SENP7: variants seen among roughly 807,000 people sequenced by gnomAD.
SENP7 encodes the protein SUMO specific peptidase 7.
Under a neutral mutation model 141.2 loss-of-function variants are expected in SENP7, and 64 were observed. That is an observed-to-expected ratio of 0.45 (90% confidence interval 0.37 to 0.56). SENP7 has a LOEUF of 0.56. Ranked by LOEUF, SENP7 falls within the 20% of genes least tolerant of loss-of-function variation. The pLI is 0.00. For synonymous variants in SENP7, 382 were observed against 426.4 expected (o/e 0.90, Z 1.28); for missense variants, 1,025 against 1,212.2 (o/e 0.85, Z 2.29).
chr3:101,372,078 A>T lies in SENP7; in HGVS notation c.726T>A (p.Thr242=), dbSNP rs753993613. Reference sequence around the variant, plus strand: ...TTCTTCGTTTTTCTTTATTGTGCGCAGTCTGCTTTGCAGAATTGTCATCTA... The same window carrying T: ...TTCTTCGTTTTTCTTTATTGTGCGCTGTCTGCTTTGCAGAATTGTCATCTA... The part of the protein sequence containing the change: ...KTVDDNSAKQ[T]AHNKEKRRKD... Residue 242 remains threonine (T), a synonymous_variant, in exon 7 of 24, where the codon ACT becomes ACA. Coordinates refer to ENST00000394095, the MANE Select transcript of SENP7 (RefSeq NM_020654.5). The T allele has an allele frequency of 6.4e-7, 1 of 1,570,398 alleles. No individual in the cohort carries two copies. Among genetic ancestry groups the T allele is most frequent in the East Asian group, 2.2e-5 (1 of 44,498 alleles).
At chr3:101,373,657 A>G (rs1161166543) in intron 6 of SENP7, among the ~76,000 whole-genome samples, 1 of 152,214 alleles carries the variant, frequency 6.6e-6, no homozygotes, top group Non-Finnish European at 1.5e-5. Flanking sequence ...CTAAACGCTA[A>G]GCATTAAGTA....
chr3:101,416,836 T>A (rs1054454396), intron 5 of SENP7, among the ~76,000 whole-genome samples: 1 of 152,212 alleles, frequency 6.6e-6, no homozygotes. Context: ...TCATTCAGAT[T>A]ACAGACCATA....
intron 4 of SENP7, among the ~76,000 whole-genome samples, chr3:101,442,693 A>T (rs2062725846): frequency 6.6e-6 from 1 of 152,238 alleles, no homozygotes; most frequent in Non-Finnish European, 1.5e-5. Context: ...CAACACAGAG[A>T]TAGGTATCAT....
rs1345789518 is a variant in SENP7 at position 101,450,069 on chromosome 3, C to T, written c.284+8886G>A. Reference sequence around the variant, plus strand: ...AAGGCAGGGGTTGCAATCCTAGTCTCGGATAAAACAGACTTTAAACCAACA... The same window carrying T: ...AAGGCAGGGGTTGCAATCCTAGTCTTGGATAAAACAGACTTTAAACCAACA... On this transcript the variant is annotated intron_variant, in intron 4 of 23. Transcript: ENST00000394095. Among the ~76,000 whole-genome samples, 6 of 152,132 alleles carry T rather than the reference C, an allele frequency of 3.9e-5. 1 individual carries two copies. The highest frequency in any genetic ancestry group is 2.4e-5 in the African/African-American group (1 of 41,490).
chr3:101,356,980 T>C (rs1048890516), intron 11 of SENP7, among the ~76,000 whole-genome samples: 1 of 152,210 alleles, frequency 6.6e-6, no homozygotes, highest in African/African-American at 2.4e-5. Context: ...AATTGCACTT[T>C]TAATGCTTTT....
At chr3:101,394,174 A>C (rs2060895519) in intron 6 of SENP7, among the ~76,000 whole-genome samples, 1 of 152,160 alleles carries the variant, frequency 6.6e-6, no homozygotes. Context: ...AACTTATTTA[A>C]GCTCTCACAT....
rs1003065194 is a variant in SENP7, at chr3:101,343,569, G to A, written c.2106+117C>T. ...CAGCATTGGCAACGGGAGTTCTTTTGGGTTGGTTCCTATGCCCTTTTCACA... is the reference window on the plus strand; with the variant it reads ...CAGCATTGGCAACGGGAGTTCTTTTAGGTTGGTTCCTATGCCCTTTTCACA... On this transcript the variant is annotated intron_variant, in intron 14 of 23. Coordinates refer to ENST00000394095, the MANE Select transcript of SENP7 (RefSeq NM_020654.5). 6.5e-6 allele frequency: 6 copies of A among 925,604 alleles called. No homozygotes were observed. The Admixed American group carries it at 8.0e-5, about 12-fold the overall frequency. The allele number at this position is 925,604 out of a possible 1,614,324, so 57.3% of individuals were successfully genotyped here. A position where few individuals can be genotyped will look rare whatever the true frequency, so the allele number is the denominator to read the frequency against.
intron 12 of SENP7, among the ~76,000 whole-genome samples, chr3:101,351,149 G>A (rs550245422): frequency 6.6e-6 from 1 of 151,886 alleles, no homozygotes; most frequent in East Asian, 1.9e-4. Context: ...ATTCTGAAAG[G>A]TTTTCAGTTG....
At chr3:101,347,017 G>A (rs1289030306) in intron 13 of SENP7, among the ~76,000 whole-genome samples, 2 of 151,698 alleles carry the variant, frequency 1.3e-5, no homozygotes, top group Non-Finnish European at 2.9e-5. Context: ...GAGGAAGGAG[G>A]AGGAAGAAAA....
intron 5 of SENP7, among the ~76,000 whole-genome samples, chr3:101,414,828 G>C (rs987581855): frequency 6.6e-6 from 1 of 152,068 alleles, no homozygotes; most frequent in African/African-American, 2.4e-5. Flanking sequence ...GAAAAAAGTG[G>C]TGTTAAATTG....
chr3:101,340,375 C>A lies in SENP7; in HGVS notation c.2241-164G>T. 8 of 830,650 alleles carry A rather than the reference C, an allele frequency of 9.6e-6. No individual in the cohort carries two copies. In the South Asian group the frequency reaches 1.4e-4, roughly 15 times the overall value. The allele number at this position is 830,650 out of a possible 1,614,324, so 51.5% of individuals were successfully genotyped here. A position where few individuals can be genotyped will look rare whatever the true frequency, so the allele number is the denominator to read the frequency against. ...AATAATGATATTTTCCTTCCTTTAT[C>A]CTCACAAGCTACTAATGGTACTCCG... is the stretch of plus-strand genomic sequence containing the variant. On this transcript the variant is annotated intron_variant, in intron 15 of 23. Coordinates refer to ENST00000394095, the MANE Select transcript of SENP7 (RefSeq NM_020654.5).
intron 4 of SENP7, among the ~76,000 whole-genome samples, chr3:101,427,848 C>G (rs1043027108): frequency 1.3e-5 from 2 of 152,088 alleles, no homozygotes; most frequent in Non-Finnish European, 2.9e-5. Context: ...CCTCCCCCAG[C>G]CCCCCACTCC....
At chr3:101,460,474 G>C (rs373214454) in intron 3 of SENP7, among the ~76,000 whole-genome samples, 205 of 152,130 alleles carry the variant, frequency 1.3e-3, no homozygotes, top group African/African-American at 4.8e-3. Flanking sequence ...AATAGTTCTA[G>C]AACAACTGAA....
chr3:101,361,811 A>C lies in SENP7; in HGVS notation c.1527T>G (p.Ser509Arg). The C allele has an allele frequency of 6.2e-7, 1 of 1,608,686 alleles. No individual in the cohort carries two copies. Among genetic ancestry groups the C allele is most frequent in the Non-Finnish European group, 8.5e-7 (1 of 1,178,092 alleles). ...GATCCATCTCATTACTAGGCATAAT[A>C]CTGGAAATGTTCTCCATGACAGGAT... ...PYNPVMENIS[S>R]IMPSNEMDLQ... Residue 509 changes from serine (S) to arginine (R), a missense_variant, in exon 11 of 24, where the codon AGT becomes AGG. By Grantham distance (110) the Ser-to-Arg change is moderately radical (BLOSUM62 -1). Coordinates refer to ENST00000394095, the MANE Select transcript of SENP7 (RefSeq NM_020654.5).
chr3:101,394,206 T>G lies in SENP7; in HGVS notation c.677+4655A>C, dbSNP rs1338148148. 2.0e-5 allele frequency among the ~76,000 whole-genome samples: 3 copies of G among 152,100 alleles called. No homozygotes were observed. In the East Asian group the frequency reaches 5.8e-4, roughly 29 times the overall value. On this transcript the variant is annotated intron_variant, in intron 6 of 23. Coordinates refer to ENST00000394095, the MANE Select transcript of SENP7 (RefSeq NM_020654.5). ...ACATGTGAGAGAGAACATCCAACAT[T>G]TATCTTTCTGTGCCTGTCTTATTTC...
At chr3:101,509,521 G>A (rs56290975) in intron 1 of SENP7, among the ~76,000 whole-genome samples, 376 of 151,954 alleles carry the variant, frequency 2.5e-3, no homozygotes, top group African/African-American at 8.8e-3. Flanking sequence ...CTCTTCCTCC[G>A]CACTTTGAAA....
chr3:101,372,227 T>G, intron 6 of SENP7, 101 bp from the exon 7 acceptor site: 1 of 509,926 alleles, frequency 2.0e-6, no homozygotes, highest in Non-Finnish European at 3.5e-6. Flanking sequence ...ACAAACACAG[T>G]CCCACATGGC....
In SENP7 at chr3:101,329,515, T is replaced by A. The variant is rs116287941; in HGVS notation, c.2751+819A>T. 7.8e-3 allele frequency among the ~76,000 whole-genome samples: 1,188 copies of A among 152,230 alleles called. 22 individuals carry two copies. Among genetic ancestry groups the A allele is most frequent in the African/African-American group, 0.028 (1,150 of 41,544 alleles). On this transcript the variant is annotated intron_variant, in intron 20 of 23. Coordinates refer to ENST00000394095, the MANE Select transcript of SENP7 (RefSeq NM_020654.5). ...AAAAAAAATCATTAAGTGGCAATCT[T>A]AATTTAGAACACTGAATCTAGGCTA...
chr3:101,453,740 T>C (rs2063244747), intron 4 of SENP7, among the ~76,000 whole-genome samples: 1 of 151,822 alleles, frequency 6.6e-6, no homozygotes, highest in Admixed American at 6.6e-5. Context: ...GGGGGAGGAA[T>C]AGCATTAGGA....
Sources: allele counts gnomAD v4.1 joint callset (sites outside exome capture counted in the v4.1 genomes callset), GRCh38; gene constraint gnomAD v4.1.1; transcripts MANE v1.5; gene names NCBI Gene and HGNC (gene_info 2026-07-23, HGNC 2026-07-21).